Variants in UNC5D observed in about 807,000 individuals in gnomAD.
UNC5D encodes the protein netrin receptor UNC5D.
In UNC5D, 39 loss-of-function variants were observed where a neutral mutation model predicts 105.4. The ratio of observed to expected loss-of-function variants is 0.37; its 90% CI spans 0.29 to 0.48. The LOEUF (loss-of-function observed/expected upper bound fraction) is 0.48, where lower values mean the gene tolerates loss of function less well. Ranked by LOEUF, UNC5D falls within the 20% of genes least tolerant of loss-of-function variation. The pLI, the probability that UNC5D is intolerant of heterozygous loss-of-function variation, is 0.98. For synonymous variants in UNC5D, 452 were observed against 450.4 expected, an observed-to-expected ratio of 1.00 and a Z score of -0.04; for missense variants, 991 against 1,202.4, an observed-to-expected ratio of 0.82 and a Z score of 2.60.
intron 1 of UNC5D, among the ~76,000 whole-genome samples, chr8:35,355,907 G>A (rs910527451): frequency 6.6e-6 from 1 of 151,974 alleles, no homozygotes; most frequent in African/African-American, 2.4e-5. Flanking sequence ...GCAGAGATGG[G>A]GCCCTCACCA....
chr8:35,429,913 A>G (rs913591445), intron 1 of UNC5D, among the ~76,000 whole-genome samples: 2 of 152,194 alleles, frequency 1.3e-5, no homozygotes, highest in African/African-American at 4.8e-5. Context: ...ACAAACAACT[A>G]TATTTCTTTC....
chr8:35,298,545 A>G (rs994214550), intron 1 of UNC5D, among the ~76,000 whole-genome samples: 2 of 147,608 alleles, frequency 1.4e-5, no homozygotes, highest in Admixed American at 1.4e-4. Context: ...GTCAGAATAG[A>G]GATTGATTAC....
intron 1 of UNC5D, among the ~76,000 whole-genome samples, chr8:35,251,328 A>G (rs1803681389): frequency 6.6e-6 from 1 of 152,186 alleles, no homozygotes; most frequent in African/African-American, 2.4e-5. Context: ...AAAAGGGGGA[A>G]AAGCCCTTTG....
At chr8:35,241,739 G>A (rs978100155) in intron 1 of UNC5D, among the ~76,000 whole-genome samples, 1 of 151,436 alleles carries the variant, frequency 6.6e-6, no homozygotes. Flanking sequence ...TGGGGTACAA[G>A]TAATAACTTA....
At chr8:35,603,449 T>A (rs1460128473) in intron 4 of UNC5D, among the ~76,000 whole-genome samples, 5 of 152,104 alleles carry the variant, frequency 3.3e-5, no homozygotes, top group East Asian at 1.9e-4. Context: ...TGCTGAGGAG[T>A]GCTTTACTTC....
chr8:35,317,872 T>G (rs1314128057), intron 1 of UNC5D, among the ~76,000 whole-genome samples: 1 of 152,158 alleles, frequency 6.6e-6, no homozygotes, highest in Admixed American at 6.6e-5. Context: ...GCCTTCTACT[T>G]AGACAAGACA....
intron 1 of UNC5D, among the ~76,000 whole-genome samples, chr8:35,311,659 T>C (rs574190895): frequency 5.8e-4 from 89 of 152,250 alleles, no homozygotes; most frequent in Admixed American, 1.4e-3. Flanking sequence ...GGTTTGATGA[T>C]GTTAAAATGA....
intron 1 of UNC5D, among the ~76,000 whole-genome samples, chr8:35,271,508 T>G (rs1805331162): frequency 6.9e-6 from 1 of 144,794 alleles, no homozygotes; most frequent in African/African-American, 2.5e-5. Context: ...GGTCTACATA[T>G]GTATACATAT....
chr8:35,244,381 G>T (rs1802965894), intron 1 of UNC5D, among the ~76,000 whole-genome samples: 1 of 152,140 alleles, frequency 6.6e-6, no homozygotes, highest in Non-Finnish European at 1.5e-5. Flanking sequence ...ATTTGACAGG[G>T]ATGTGGATGT....
At chr8:35,587,526 T>G (rs2130867104) in intron 3 of UNC5D, among the ~76,000 whole-genome samples, 1 of 152,326 alleles carries the variant, frequency 6.6e-6, no homozygotes, top group Non-Finnish European at 1.5e-5. Context: ...ATCTTCCAGC[T>G]GCCAGAAATA....
chr8:35,412,952 A>C (rs1402727916), intron 1 of UNC5D, among the ~76,000 whole-genome samples: 1 of 152,130 alleles, frequency 6.6e-6, no homozygotes, highest in East Asian at 1.9e-4. Flanking sequence ...GGAGTGCTTC[A>C]TAACACACGT....
intron 1 of UNC5D, among the ~76,000 whole-genome samples, chr8:35,321,906 A>T (rs1408439181): frequency 7.2e-5 from 11 of 152,086 alleles, no homozygotes. Context: ...TGCAGATTTT[A>T]AGGTCTTTTG....
chr8:35,297,873 G>A (rs1807614702), intron 1 of UNC5D, among the ~76,000 whole-genome samples: 1 of 152,056 alleles, frequency 6.6e-6, no homozygotes, highest in Admixed American at 6.6e-5. Flanking sequence ...TAATTTGACA[G>A]CATTCCACGA....
At chr8:35,416,232 G>A (rs549546394) in intron 1 of UNC5D, among the ~76,000 whole-genome samples, 1 of 152,136 alleles carries the variant, frequency 6.6e-6, no homozygotes, top group South Asian at 2.1e-4. Context: ...GACTGACTTG[G>A]TGTAGGGATG....
intron 9 of UNC5D, among the ~76,000 whole-genome samples, chr8:35,723,419 T>C (rs1828688043): frequency 2.0e-5 from 3 of 152,278 alleles, no homozygotes; most frequent in Admixed American, 1.3e-4. Flanking sequence ...AATCCAAATA[T>C]AGAACTGATT....
At chr8:35,400,505 T>C (rs745801473) in intron 1 of UNC5D, among the ~76,000 whole-genome samples, 3 of 152,190 alleles carry the variant, frequency 2.0e-5, no homozygotes, top group Non-Finnish European at 4.4e-5. Context: ...GTCTTTTCTG[T>C]TCCTTCCTTA....
chr8:35,317,702 G>T (rs982448166), intron 1 of UNC5D, among the ~76,000 whole-genome samples: 1 of 151,946 alleles, frequency 6.6e-6, no homozygotes, highest in Admixed American at 6.6e-5. Context: ...TAAGACTAAG[G>T]GTAGGTATGG....
chr8:35,263,320 C>T (rs954420955), intron 1 of UNC5D, among the ~76,000 whole-genome samples: 5 of 152,118 alleles, frequency 3.3e-5, no homozygotes, highest in Non-Finnish European at 7.3e-5. Flanking sequence ...TATTTCTGTC[C>T]ATTTGCGCTA....
At chr8:35,544,339 G>C (rs890568807) in intron 1 of UNC5D, 3 of 1,533,886 alleles carry the variant, frequency 2.0e-6, no homozygotes, top group African/African-American at 2.7e-5. Flanking sequence ...AGATGCAGCT[G>C]TATCAGTGAG....
Sources: gnomAD v4.1 joint callset for allele counts (sites outside exome capture counted in the v4.1 genomes callset) on GRCh38, gnomAD v4.1.1 for gene constraint, MANE v1.5 for transcripts, NCBI Gene and HGNC (gene_info 2026-07-23, HGNC 2026-07-21) for gene names.